FRMD3: variants seen among roughly 807,000 people sequenced by gnomAD.
The protein encoded by FRMD3 is FERM domain containing 3, also known as FERM domain-containing protein 3.
A neutral mutation model predicts 70.2 loss-of-function variants in FRMD3; 33 were observed. The observed-to-expected ratio is 0.47, with a 90% CI of 0.36 to 0.63. The LOEUF is 0.63. FRMD3 is among the 20% of genes least tolerant of loss of function. FRMD3 has a pLI of 0.00. For missense variants in FRMD3, 632 were observed against 711.4 expected, an observed-to-expected ratio of 0.89 and a Z score of 1.27; for synonymous variants, 279 against 255.9, an observed-to-expected ratio of 1.09 and a Z score of -0.86.
chr9:83,530,175 C>T (rs940870927), intron 1 of FRMD3, among the ~76,000 whole-genome samples: 2 of 152,174 alleles, frequency 1.3e-5, no homozygotes, highest in African/African-American at 4.8e-5. Flanking sequence ...TAGAGAGCAA[C>T]TTTTTCAGGA....
chr9:83,466,405 CAGAAAGGCT>C (rs1181456587), intron 1 of FRMD3, among the ~76,000 whole-genome samples: 2 of 152,208 alleles, frequency 1.3e-5, no homozygotes, highest in African/African-American at 4.8e-5. Context: ...CTGCTGTAAA[CAGAAAGGCT>C]AGAAAGCCGA....
intron 6 of FRMD3, among the ~76,000 whole-genome samples, chr9:83,317,888 T>C (rs1037054245): frequency 6.6e-6 from 1 of 151,918 alleles, no homozygotes; most frequent in Non-Finnish European, 1.5e-5. Context: ...CAGCAACACG[T>C]ACAACCAAAA....
intron 6 of FRMD3, among the ~76,000 whole-genome samples, chr9:83,321,251 T>C (rs1418546772): frequency 6.6e-6 from 1 of 152,212 alleles, no homozygotes; most frequent in Non-Finnish European, 1.5e-5. Flanking sequence ...CTTGTCTTTC[T>C]AGTTACTTCA....
intron 1 of FRMD3, among the ~76,000 whole-genome samples, chr9:83,467,410 G>A (rs1445225240): frequency 6.6e-6 from 1 of 152,146 alleles, no homozygotes; most frequent in African/African-American, 2.4e-5. Context: ...CTCTGGTTTG[G>A]TTTCTTGAAA....
intron 3 of FRMD3, among the ~76,000 whole-genome samples, chr9:83,367,298 C>A (rs1307693883): frequency 6.6e-6 from 1 of 152,132 alleles, no homozygotes; most frequent in Non-Finnish European, 1.5e-5. Flanking sequence ...ATCATGAAGC[C>A]CACCTGCATT....
At chr9:83,389,265 T>A (rs887838373) in intron 2 of FRMD3, among the ~76,000 whole-genome samples, 2 of 151,988 alleles carry the variant, frequency 1.3e-5, no homozygotes, top group Admixed American at 6.6e-5. Flanking sequence ...CTTTTTACAG[T>A]GAGTGGGGTT....
At chr9:83,356,061 A>C (rs1824325405) in intron 3 of FRMD3, among the ~76,000 whole-genome samples, 2 of 152,122 alleles carry the variant, frequency 1.3e-5, no homozygotes, top group Non-Finnish European at 2.9e-5. Flanking sequence ...ACATGGAGAG[A>C]GGTACAGCTG....
chr9:83,344,824 AGT>A (rs35538787), intron 4 of FRMD3, among the ~76,000 whole-genome samples: 5,343 of 143,830 alleles, frequency 0.037, 181 homozygotes, highest in African/African-American at 0.089. Flanking sequence ...TGCATGTGTG[AGT>A]GTGTGTGTGT....
Position 83,245,055 on chromosome 9 carries a change from T to A in FRMD3, c.*2863A>T. On this transcript the variant is annotated 3_prime_UTR_variant, in exon 14 of 14. Transcript: ENST00000304195. ...TGGAAAATTTAACCCTTTCAGGCTG[T>A]GGGTTTTACCCACCATAGTATCTGA... 1.0e-6 allele frequency: 1 copy of A among 985,418 alleles called. No homozygotes were observed. 61.0% of individuals were successfully genotyped at this position (985,418 alleles called of 1,614,324 possible).
intron 1 of FRMD3, among the ~76,000 whole-genome samples, chr9:83,421,372 C>T (rs1236719801): frequency 1.3e-5 from 2 of 152,196 alleles, no homozygotes; most frequent in African/African-American, 4.8e-5. Flanking sequence ...CTTGAATCCT[C>T]ATCATGGCCT....
At chr9:83,309,259 T>TACACACACACACACACAC (rs3029557) in intron 10 of FRMD3, among the ~76,000 whole-genome samples, 3 of 138,308 alleles carry the variant, frequency 2.2e-5, no homozygotes, top group African/African-American at 8.3e-5. Flanking sequence ...CTATTTGAAA[T>TACACACACACACACACAC]ACACACACAC....
intron 1 of FRMD3, among the ~76,000 whole-genome samples, chr9:83,411,495 C>T (rs960626476): frequency 2.6e-5 from 4 of 152,230 alleles, no homozygotes; most frequent in African/African-American, 9.6e-5. Context: ...ATTATCTACC[C>T]ATCCCTTGGG....
chr9:83,283,365 C>T (rs1834046839), intron 13 of FRMD3, among the ~76,000 whole-genome samples: 1 of 151,688 alleles, frequency 6.6e-6, no homozygotes, highest in African/African-American at 2.4e-5. Flanking sequence ...CCCGTCTCTA[C>T]AAAAAATACA....
intron 13 of FRMD3, among the ~76,000 whole-genome samples, chr9:83,272,330 G>A (rs1833590946): frequency 6.6e-6 from 1 of 151,972 alleles, no homozygotes; most frequent in African/African-American, 2.4e-5. Flanking sequence ...CTGGTCTCCA[G>A]CTCCTAACCC....
chr9:83,470,249 G>A (rs1234032311), intron 1 of FRMD3, among the ~76,000 whole-genome samples: 1 of 152,098 alleles, frequency 6.6e-6, no homozygotes, highest in Non-Finnish European at 1.5e-5. Flanking sequence ...GAAGGTTCTG[G>A]ACCTCACCCC....
intron 13 of FRMD3, among the ~76,000 whole-genome samples, chr9:83,272,645 T>C (rs1833615858): frequency 1.2e-5 from 1 of 86,214 alleles, no homozygotes; most frequent in Non-Finnish European, 2.2e-5. Flanking sequence ...GGCTGCCCAG[T>C]CTGGTAAGTG....
rs753985928 is a variant in FRMD3, at chr9:83,343,167, G to C, written c.472+23C>G. 5 of 1,524,678 alleles carry C rather than the reference G, an allele frequency of 3.3e-6. No individual in the cohort carries two copies. The African/African-American group carries it at 6.8e-5, about 21-fold the overall frequency. The allele number at this position is 1,524,678 out of a possible 1,614,324, so 94.4% of individuals were successfully genotyped here. Reference sequence around the variant, plus strand: ...GAGCTCCACAGTGCAAAGGTGGCGTGGGTGAGCTGTGGCCAGACTTACCTT... The same window carrying C: ...GAGCTCCACAGTGCAAAGGTGGCGTCGGTGAGCTGTGGCCAGACTTACCTT... On this transcript the variant is annotated intron_variant, in intron 5 of 13. Coordinates refer to ENST00000304195, the MANE Select transcript of FRMD3 (RefSeq NM_174938.6).
chr9:83,534,921 T>C (rs1368417415), intron 1 of FRMD3, among the ~76,000 whole-genome samples: 3 of 152,292 alleles, frequency 2.0e-5, no homozygotes, highest in Admixed American at 6.5e-5. Context: ...CAGTCACTGG[T>C]TTAAATTCCC....
intron 1 of FRMD3, among the ~76,000 whole-genome samples, chr9:83,390,093 T>A (rs1265241772): frequency 2.6e-5 from 4 of 152,232 alleles, no homozygotes; most frequent in African/African-American, 9.6e-5. Context: ...TAACTGCTTT[T>A]TCTAATTCCT....
Sources: allele counts gnomAD v4.1 joint callset (sites outside exome capture counted in the v4.1 genomes callset), GRCh38; gene constraint gnomAD v4.1.1; transcripts MANE v1.5; gene names NCBI Gene and HGNC (gene_info 2026-07-23, HGNC 2026-07-21).